Variants in NALF1 observed in about 807,000 individuals in gnomAD.
NALF1 encodes NALCN channel auxiliary factor 1.
Under a neutral mutation model 48.4 loss-of-function variants are expected in NALF1, and 3 were observed. The observed-to-expected ratio is 0.06, with a 90% CI of 0.03 to 0.16. The LOEUF (loss-of-function observed/expected upper bound fraction) is 0.16, where lower values mean the gene tolerates loss of function less well. Among genes scored for constraint, NALF1 ranks in the 10% least tolerant of loss-of-function variants. The probability of loss-of-function intolerance (pLI) is 1.00; values close to 1 mark genes in which losing one functional copy is unlikely to be tolerated. For synonymous variants in NALF1, 262 were observed against 245.7 expected, an observed-to-expected ratio of 1.07 and a Z score of -0.62; for missense variants, 526 against 571.5, an observed-to-expected ratio of 0.92 and a Z score of 0.81.
At chr13:107,742,801 T>G (rs1276760555) in intron 1 of NALF1, among the ~76,000 whole-genome samples, 2 of 152,180 alleles carry the variant, frequency 1.3e-5, no homozygotes, top group East Asian at 1.9e-4. Context: ...TGGGTTATAC[T>G]CACAACCCCC....
chr13:107,736,266 GTGTT>G (rs1305553724), intron 1 of NALF1, among the ~76,000 whole-genome samples: 2 of 151,996 alleles, frequency 1.3e-5, no homozygotes, highest in African/African-American at 4.8e-5. Context: ...CAGCTGCACT[GTGTT>G]TGTTAGAAAC....
At chr13:107,537,494 C>T (rs191802127) in intron 1 of NALF1, among the ~76,000 whole-genome samples, 1 of 152,106 alleles carries the variant, frequency 6.6e-6, no homozygotes, top group Non-Finnish European at 1.5e-5. Context: ...TTGTTTTTCA[C>T]TTTGTCATTG....
intron 1 of NALF1, among the ~76,000 whole-genome samples, chr13:107,609,577 T>A (rs991973629): frequency 6.6e-6 from 1 of 152,148 alleles, no homozygotes; most frequent in Non-Finnish European, 1.5e-5. Context: ...ACCTCCTACC[T>A]CAGTCTATGT....
chr13:107,645,211 GACA>G (rs1312691101), intron 1 of NALF1, among the ~76,000 whole-genome samples: 1 of 152,098 alleles, frequency 6.6e-6, no homozygotes, highest in African/African-American at 2.4e-5. Flanking sequence ...AGTGATTGCT[GACA>G]ACACCACAAG....
intron 2 of NALF1, among the ~76,000 whole-genome samples, chr13:107,192,670 AC>A (rs747976940): frequency 4.2e-4 from 64 of 152,106 alleles, no homozygotes; most frequent in Admixed American, 2.0e-4. Context: ...AGTTATGCAA[AC>A]TCTCAGGCCT....
intron 1 of NALF1, among the ~76,000 whole-genome samples, chr13:107,510,067 C>T (rs756774332): frequency 1.3e-5 from 2 of 152,046 alleles, no homozygotes; most frequent in African/African-American, 2.4e-5. Context: ...CTTGGGCCTC[C>T]GAAAGGGCTG....
chr13:107,641,661 A>G (rs1880160021), intron 1 of NALF1, among the ~76,000 whole-genome samples: 1 of 152,176 alleles, frequency 6.6e-6, no homozygotes, highest in African/African-American at 2.4e-5. Flanking sequence ...TAGGCAAGAT[A>G]TTACTATTGT....
In NALF1 at chr13:107,164,959, A is replaced by C. The variant is rs1171084362; in HGVS notation, c.*5538T>G. On this transcript the variant is annotated 3_prime_UTR_variant, in exon 3 of 3. Transcript: ENST00000375915. ...TGTTTTGTCCAGGCACATTTATATT[A>C]CTTATCTCTTTTAAGCCTCCAATGT... 1 of 152,074 alleles carries C rather than the reference A, an allele frequency of 6.6e-6. No homozygotes were observed. Among genetic ancestry groups the C allele is most frequent in the East Asian group, 1.9e-4 (1 of 5,158 alleles). 9.4% of individuals were successfully genotyped at this position (152,074 alleles called of 1,614,324 possible). A position where few individuals can be genotyped will look rare whatever the true frequency, so the allele number is the denominator to read the frequency against.
At chr13:107,241,025 C>A (rs547003811) in intron 1 of NALF1, among the ~76,000 whole-genome samples, 39 of 139,216 alleles carry the variant, frequency 2.8e-4, no homozygotes, top group African/African-American at 1.0e-3. Context: ...ACCAGCCTGG[C>A]CAACGTGGCG....
chr13:107,184,282 C>T (rs1451137784), intron 2 of NALF1, among the ~76,000 whole-genome samples: 2 of 152,020 alleles, frequency 1.3e-5, no homozygotes, highest in African/African-American at 4.8e-5. Context: ...TCACAAAATT[C>T]AAGAATGTTA....
intron 1 of NALF1, among the ~76,000 whole-genome samples, chr13:107,680,898 G>A (rs961534897): frequency 1.3e-5 from 2 of 151,706 alleles, no homozygotes; most frequent in Non-Finnish European, 2.9e-5. Flanking sequence ...ATGAGAGAGG[G>A]TGAGTGGTGT....
intron 1 of NALF1, among the ~76,000 whole-genome samples, chr13:107,569,377 CAGG>C (rs1392303784): frequency 6.6e-6 from 1 of 151,874 alleles, no homozygotes; most frequent in African/African-American, 2.4e-5. Context: ...GACGCTGAGG[CAGG>C]AGAATGACGT....
intron 2 of NALF1, among the ~76,000 whole-genome samples, chr13:107,176,892 T>C (rs1594056019): frequency 6.6e-6 from 1 of 151,658 alleles, no homozygotes; most frequent in Non-Finnish European, 1.5e-5. Flanking sequence ...TGTTTGTTTT[T>C]AAATTTATTT....
At position 107,678,964 on chromosome 13, in the gene NALF1, T is replaced by A. The variant is rs534935761; in HGVS notation, c.915+186718A>T. On this transcript the variant is annotated intron_variant, in intron 1 of 2. Transcript: ENST00000375915. The stretch of plus-strand genomic sequence containing the variant: ...CCATATCAGGGGCTTCAGGAGGCTA[T>A]AGATAAAGTGTTTGGCAAATAACTG... 2.2e-4 allele frequency among the ~76,000 whole-genome samples: 33 copies of A among 152,266 alleles called. 1 individual carries two copies. In the South Asian group the frequency reaches 6.2e-3, roughly 29 times the overall value.
intron 1 of NALF1, among the ~76,000 whole-genome samples, chr13:107,406,212 T>A (rs190647828): frequency 9.2e-5 from 14 of 152,180 alleles, no homozygotes; most frequent in Non-Finnish European, 1.8e-4. Context: ...AAAATTACAT[T>A]GCCTTTGGAA....
At chr13:107,337,152 G>GTCAGATATT (rs1882576911) in intron 1 of NALF1, among the ~76,000 whole-genome samples, 2 of 151,226 alleles carry the variant, frequency 1.3e-5, no homozygotes, top group Admixed American at 1.3e-4. Context: ...TATCTGGGTG[G>GTCAGATATT]TCAGATATTT....
intron 1 of NALF1, among the ~76,000 whole-genome samples, chr13:107,694,047 A>G (rs942465797): frequency 6.6e-6 from 1 of 152,212 alleles, no homozygotes; most frequent in East Asian, 1.9e-4. Flanking sequence ...CATCAGAAAG[A>G]CAGAACTCTC....
chr13:107,520,794 A>C (rs1417892494), intron 1 of NALF1, among the ~76,000 whole-genome samples: 1 of 152,092 alleles, frequency 6.6e-6, no homozygotes, highest in African/African-American at 2.4e-5. Context: ...GTCTTCTAGA[A>C]TGCTTCCCCG....
At chr13:107,735,288 CCT>C (rs1170368778) in intron 1 of NALF1, among the ~76,000 whole-genome samples, 2 of 152,150 alleles carry the variant, frequency 1.3e-5, no homozygotes, top group African/African-American at 4.8e-5. Flanking sequence ...AAGCCAATAG[CCT>C]CTGTGACAGA....
Sources: allele counts gnomAD v4.1 joint callset (sites outside exome capture counted in the v4.1 genomes callset), GRCh38; gene constraint gnomAD v4.1.1; transcripts MANE v1.5; gene names NCBI Gene and HGNC (gene_info 2026-07-23, HGNC 2026-07-21).